PRELID3A: variants seen among roughly 807,000 people sequenced by gnomAD.
PRELID3A encodes the protein PRELI domain containing 3A, also known as PRELI domain containing protein 3A.
A neutral mutation model predicts 23.0 loss-of-function variants in PRELID3A; 27 were observed. The ratio of observed to expected loss-of-function variants is 1.17; its 90% CI spans 0.87 to 1.62. The LOEUF (loss-of-function observed/expected upper bound fraction) is 1.62. Ranked by LOEUF, PRELID3A falls within the 40% of genes most tolerant of loss-of-function variation. The pLI is 0.00. For missense variants in PRELID3A, 231 were observed against 231.4 expected, an observed-to-expected ratio of 1.00 and a Z score of 0.01; for synonymous variants, 87 against 86.4, an observed-to-expected ratio of 1.01 and a Z score of -0.04.
chr18:12,431,799 C>A lies in PRELID3A; in HGVS notation c.*683C>A, dbSNP rs1302017426. On this transcript the variant is annotated 3_prime_UTR_variant, in exon 7 of 7. Transcript: ENST00000440960. ...GGCCCTTTCTGCAGGCTGTGCCAGC[C>A]CCCTCCAGTCTGCCACTGCCGTGCC... 6.6e-6 allele frequency: 1 copy of A among 152,306 alleles called. No homozygotes were observed. The highest frequency in any genetic ancestry group is 2.4e-5 in the African/African-American group (1 of 41,452). The allele number at this position is 152,306 out of a possible 1,614,324, so 9.4% of individuals were successfully genotyped here. A position where few individuals can be genotyped will look rare whatever the true frequency, so the allele number is the denominator to read the frequency against.
intron 1 of PRELID3A, among the ~76,000 whole-genome samples, chr18:12,413,317 C>T (rs906996762): frequency 6.6e-6 from 1 of 152,132 alleles, no homozygotes; most frequent in African/African-American, 2.4e-5. Context: ...GTGGCTTGTG[C>T]CTGTAGTCCT....
Position 12,427,131 on chromosome 18 carries a change from A to T in PRELID3A, c.362+20A>T. 4 of 1,606,150 alleles carry T rather than the reference A, an allele frequency of 2.5e-6. No homozygotes were observed. The highest frequency in any genetic ancestry group is 1.7e-4 in the Middle Eastern group (1 of 6,052). ...AGAAATGTGAGTCATCTCCTGTGGGATTGACACATTGAATGCCACGGGTGA... is the reference window on the plus strand; with the variant it reads ...AGAAATGTGAGTCATCTCCTGTGGGTTTGACACATTGAATGCCACGGGTGA... On this transcript the variant is annotated intron_variant, in intron 4 of 6. Transcript: ENST00000440960.
intron 3 of PRELID3A, 129 bp from the exon 4 acceptor site, chr18:12,426,912 C>G (rs1426706932): frequency 1.5e-6 from 1 of 661,538 alleles, no homozygotes; most frequent in Non-Finnish European, 2.7e-6. Flanking sequence ...GTGGTCGTAT[C>G]TCCTATGCCT....
chr18:12,420,391 G>A lies in PRELID3A; in HGVS notation c.99G>A (p.Val33=), dbSNP rs2030123803. 6.2e-7 allele frequency: 1 copy of A among 1,610,160 alleles called. No homozygotes were observed. The highest frequency in any genetic ancestry group is 8.5e-7 in the Non-Finnish European group (1 of 1,178,770). Residue 33 remains valine, a synonymous_variant, in exon 2 of 7, where the codon GTG becomes GTA. Coordinates refer to ENST00000440960, the MANE Select transcript of PRELID3A (RefSeq NM_001142405.2). The stretch of plus-strand genomic sequence containing the variant: ...ACCCGAACCCGATGAACCCGAGCGT[G>A]CTGGGCGTGGATGTGCTACAGCGCC... The part of the protein sequence containing the change: ...RKYPNPMNPS[V]LGVDVLQRRV...
intron 3 of PRELID3A, among the ~76,000 whole-genome samples, chr18:12,425,144 A>T (rs944461371): frequency 2.0e-5 from 3 of 151,512 alleles, no homozygotes; most frequent in Non-Finnish European, 4.4e-5. Context: ...AAAAAAAATT[A>T]AACTAATTAG....
chr18:12,422,336 C>T (rs2030211696), intron 3 of PRELID3A: 1 of 148,436 alleles, frequency 6.7e-6, no homozygotes, highest in Non-Finnish European at 1.5e-5. Context: ...GTAGCTGGGA[C>T]TACAGGTGTG....
intron 1 of PRELID3A, among the ~76,000 whole-genome samples, chr18:12,417,621 A>G (rs1439160889): frequency 1.3e-5 from 2 of 152,220 alleles, no homozygotes; most frequent in African/African-American, 4.8e-5. Flanking sequence ...AATAAGTCTA[A>G]GGAACTTAAC....
At chr18:12,426,875 C>CA (rs1193410147) in intron 3 of PRELID3A, among the ~76,000 whole-genome samples, 166 bp from the exon 4 acceptor site, 1 of 152,120 alleles carries the variant, frequency 6.6e-6, no homozygotes, top group Non-Finnish European at 1.5e-5. Context: ...GAAGGAACAG[C>CA]AAAACCATGG....
Position 12,420,371 on chromosome 18 carries a change from A to G in PRELID3A, c.79A>G (p.Asn27Asp), listed in dbSNP as rs1208491091. The change falls in exon 2 of 7, where the codon AAC (asparagine) becomes GAC (aspartate). Residue 27 changes from asparagine (N) to aspartate (D), a missense_variant. Physicochemically the swap from Asn to Asp is conservative, Grantham distance 23. Coordinates refer to ENST00000440960, the MANE Select transcript of PRELID3A (RefSeq NM_001142405.2). The stretch of plus-strand genomic sequence containing the variant: ...CCAGGCGGCCATGCGCAAGTACCCG[A>G]ACCCGATGAACCCGAGCGTGCTGGG... ...VIQAAMRKYP[N>D]PMNPSVLGVD... 2 of 1,611,320 alleles carry G rather than the reference A, an allele frequency of 1.2e-6. No individual in the cohort carries two copies. Among genetic ancestry groups the G allele is most frequent in the South Asian group, 2.2e-5 (2 of 90,656 alleles).
At chr18:12,412,041 G>T (rs1269294397) in intron 1 of PRELID3A, among the ~76,000 whole-genome samples, 1 of 151,742 alleles carries the variant, frequency 6.6e-6, no homozygotes, top group Non-Finnish European at 1.5e-5. Flanking sequence ...CTCCAGAGTA[G>T]CTGGAACCAC....
At chr18:12,420,263 C>G (rs1598859843) in intron 1 of PRELID3A, 62 bp from the exon 2 acceptor site, 3 of 1,525,888 alleles carry the variant, frequency 2.0e-6, no homozygotes, top group East Asian at 4.9e-5. Flanking sequence ...GCTTTTCCTC[C>G]CCTTCACCCT....
At chr18:12,411,277 T>C (rs1010713226) in intron 1 of PRELID3A, among the ~76,000 whole-genome samples, 14 of 150,346 alleles carry the variant, frequency 9.3e-5, no homozygotes, top group African/African-American at 2.7e-4. Flanking sequence ...GCTAACACAA[T>C]GAAACCCTGT....
intron 1 of PRELID3A, among the ~76,000 whole-genome samples, chr18:12,417,710 T>G (rs1008551105): frequency 5.9e-5 from 9 of 152,194 alleles, no homozygotes; most frequent in African/African-American, 2.2e-4. Context: ...TATCTCTAGA[T>G]TCACCTTCCT....
intron 2 of PRELID3A, 108 bp downstream of exon 2, chr18:12,420,601 T>G: frequency 1.1e-6 from 1 of 924,206 alleles, no homozygotes; most frequent in Non-Finnish European, 1.4e-6. Flanking sequence ...CTGCTTTGGC[T>G]GCCATCGGGG....
At chr18:12,421,367 C>A in intron 2 of PRELID3A, 173 bp from the exon 3 acceptor site, 2 of 594,366 alleles carry the variant, frequency 3.4e-6, no homozygotes, top group Non-Finnish European at 6.0e-6. Flanking sequence ...CTCAGTGGCT[C>A]ACCTGCTGGA....
At chr18:12,412,004 G>A (rs1156296233) in intron 1 of PRELID3A, among the ~76,000 whole-genome samples, 4 of 147,264 alleles carry the variant, frequency 2.7e-5, no homozygotes, top group Non-Finnish European at 3.0e-5. Context: ...TCCGCCTCCC[G>A]GGTTCACGCC....
intron 5 of PRELID3A, 47 bp from the exon 6 acceptor site, chr18:12,429,303 G>A (rs746189869): frequency 6.4e-6 from 10 of 1,553,814 alleles, no homozygotes; most frequent in East Asian, 4.5e-5. Flanking sequence ...TGTCTGCAGC[G>A]GGAGGCGGGA....
At chr18:12,409,037 CTT>C (rs1465852658) in intron 1 of PRELID3A, among the ~76,000 whole-genome samples, 1 of 151,718 alleles carries the variant, frequency 6.6e-6, no homozygotes, top group Non-Finnish European at 1.5e-5. Context: ...TCTGACCTCA[CTT>C]AAGCATTAAA....
At chr18:12,416,462 G>A (rs2029954791) in intron 1 of PRELID3A, among the ~76,000 whole-genome samples, 2 of 151,980 alleles carry the variant, frequency 1.3e-5, no homozygotes, top group Admixed American at 6.6e-5. Flanking sequence ...CCACAGGGGT[G>A]TGCCACCATG....
Sources: gnomAD v4.1 joint callset for allele counts (sites outside exome capture counted in the v4.1 genomes callset) on GRCh38, gnomAD v4.1.1 for gene constraint, MANE v1.5 for transcripts, NCBI Gene and HGNC (gene_info 2026-07-23, HGNC 2026-07-21) for gene names.